The following VEGFC variants were observed in gnomAD, a reference collection of about 807,000 sequenced individuals.
VEGFC encodes FLT4 ligand DHM.
VEGFC carries 12 observed loss-of-function variants against 46.1 expected under a neutral mutation model. That is an observed-to-expected ratio of 0.26 (90% CI 0.17 to 0.42). The LOEUF (loss-of-function observed/expected upper bound fraction) is 0.42. Among genes scored for constraint, VEGFC ranks in the 10% least tolerant of loss-of-function variants. The pLI is 1.00. For synonymous variants in VEGFC, 232 were observed against 195.5 expected, an observed-to-expected ratio of 1.19 and a Z score of -1.56; for missense variants, 488 against 529.4, an observed-to-expected ratio of 0.92 and a Z score of 0.77.
chr4:176,746,942 G>A (rs1363133358), intron 1 of VEGFC, among the ~76,000 whole-genome samples: 2 of 152,122 alleles, frequency 1.3e-5, no homozygotes, highest in Admixed American at 1.3e-4. Context: ...TTGCTTGAGT[G>A]CTTCGATATC....
intron 1 of VEGFC, among the ~76,000 whole-genome samples, chr4:176,789,470 T>C (rs1736053669): frequency 1.3e-5 from 2 of 152,212 alleles, no homozygotes; most frequent in Admixed American, 1.3e-4. Context: ...AAACCTCATA[T>C]AAGTAGCATC....
intron 4 of VEGFC, among the ~76,000 whole-genome samples, chr4:176,697,217 A>G (rs969882839): frequency 6.6e-6 from 1 of 150,794 alleles, no homozygotes; most frequent in African/African-American, 2.4e-5. Flanking sequence ...ATGGGAGAAA[A>G]TTTTCACAAC....
chr4:176,719,599 C>G (rs904398453), intron 3 of VEGFC, among the ~76,000 whole-genome samples: 1 of 152,168 alleles, frequency 6.6e-6, no homozygotes, highest in African/African-American at 2.4e-5. Context: ...ACTTAAACTA[C>G]TTTTAATTAC....
At chr4:176,730,645 G>T (rs2111019430) in intron 1 of VEGFC, among the ~76,000 whole-genome samples, 1 of 152,106 alleles carries the variant, frequency 6.6e-6, no homozygotes, top group East Asian at 1.9e-4. Flanking sequence ...AAGAGTCAAT[G>T]AACTAACTGT....
intron 3 of VEGFC, among the ~76,000 whole-genome samples, chr4:176,719,898 T>C (rs62328297): frequency 6.6e-6 from 1 of 151,612 alleles, no homozygotes; most frequent in Non-Finnish European, 1.5e-5. Context: ...CTATCTCTAT[T>C]AAAATACAAA....
chr4:176,693,764 C>G (rs1479966422), intron 4 of VEGFC, among the ~76,000 whole-genome samples: 1 of 137,072 alleles, frequency 7.3e-6, no homozygotes, highest in African/African-American at 3.5e-5. Flanking sequence ...GCCCATCAGA[C>G]TAACAGAGGA....
intron 1 of VEGFC, among the ~76,000 whole-genome samples, chr4:176,740,441 T>TAC (rs1491453712): frequency 2.1e-4 from 2 of 9,456 alleles, no homozygotes; most frequent in Non-Finnish European, 0.013. Context: ...ATATATATTC[T>TAC]ATATAGAGTA....
At chr4:176,694,659 A>G (rs1734274576) in intron 4 of VEGFC, among the ~76,000 whole-genome samples, 1 of 150,726 alleles carries the variant, frequency 6.6e-6, no homozygotes, top group African/African-American at 2.5e-5. Context: ...TCTCCACCCC[A>G]AATCAATGGA....
chr4:176,690,742 A>T (rs1734161632), intron 4 of VEGFC, among the ~76,000 whole-genome samples: 1 of 151,980 alleles, frequency 6.6e-6, no homozygotes, highest in African/African-American at 2.4e-5. Flanking sequence ...GAAACTCATA[A>T]TCTTCTATAA....
intron 1 of VEGFC, among the ~76,000 whole-genome samples, chr4:176,760,947 T>TCATACATAC (rs1487722260): frequency 6.6e-6 from 1 of 152,120 alleles, no homozygotes; most frequent in African/African-American, 2.4e-5. Context: ...CATACATAGG[T>TCATACATAC]AGGAAAAAGA....
In VEGFC at chr4:176,792,222, G is replaced by A. The variant is rs1736108826; in HGVS notation, c.90C>T (p.Ala30=). 6.4e-7 allele frequency: 1 copy of A among 1,560,082 alleles called. No individual in the cohort carries two copies. The highest frequency in any genetic ancestry group is 8.7e-7 in the Non-Finnish European group (1 of 1,155,884). The change falls in exon 1 of 7, where the codon GCC becomes GCT. Residue 30 remains alanine, a synonymous_variant. Coordinates refer to ENST00000618562, the MANE Select transcript of VEGFC (RefSeq NM_005429.5). This position sits in a 1 kb window ranked among gnomAD's most constrained non-coding sequence, Gnocchi z 6.3. ...AGAGGTCGAGTCCGGACTCGAAGGC[G>A]GCGGCGGCGGCGGGCGCCTCGCGAG... The part of the protein sequence containing the change: ...PGPREAPAAA[A]AFESGLDLSD...
chr4:176,722,492 T>TG (rs386402402), intron 3 of VEGFC, among the ~76,000 whole-genome samples: 1 of 148,578 alleles, frequency 6.7e-6, no homozygotes, highest in Admixed American at 6.8e-5. Context: ...TCTTTTGTTT[T>TG]TTTTTTGTTT....
chr4:176,711,789 A>C, intron 3 of VEGFC, 139 bp from the exon 4 acceptor site: 2 of 756,806 alleles, frequency 2.6e-6, no homozygotes, highest in Non-Finnish European at 4.1e-6. Flanking sequence ...CTATGTTTTT[A>C]TGATTACAAA....
intron 1 of VEGFC, among the ~76,000 whole-genome samples, chr4:176,753,442 T>C (rs1010317139): frequency 6.6e-6 from 1 of 152,062 alleles, no homozygotes; most frequent in African/African-American, 2.4e-5. Flanking sequence ...GCAGCTACGA[T>C]GACCCTTTCA....
At chr4:176,710,228 G>A (rs1026647524) in intron 4 of VEGFC, among the ~76,000 whole-genome samples, 9 of 152,158 alleles carry the variant, frequency 5.9e-5, no homozygotes, top group African/African-American at 9.7e-5. Flanking sequence ...TGGAGATAAT[G>A]GCTAAAGCTC....
At position 176,792,800 on chromosome 4, in the gene VEGFC, G is replaced by C. The variant is rs1181789021; in HGVS notation, c.-489C>G. 1 of 145,172 alleles carries C rather than the reference G, an allele frequency of 6.9e-6. No homozygotes were observed. The highest frequency in any genetic ancestry group is 1.5e-5 in the Non-Finnish European group (1 of 65,838). The allele number at this position is 145,172 out of a possible 1,614,324, so 9.0% of individuals were successfully genotyped here. On this transcript the variant is annotated 5_prime_UTR_variant, in exon 1 of 7. Coordinates refer to ENST00000618562, the MANE Select transcript of VEGFC (RefSeq NM_005429.5). The surrounding 1 kb of genome is among the most constrained non-coding windows in gnomAD (Gnocchi z 6.3). ...GGGGGCGCTGGCGGCGGTGCCGGGG[G>C]CGGGAGGAGGGCGGCGGGGCGGCTG... is the stretch of plus-strand genomic sequence containing the variant.
chr4:176,708,535 G>A (rs978207210), intron 4 of VEGFC, among the ~76,000 whole-genome samples: 10 of 152,064 alleles, frequency 6.6e-5, no homozygotes, highest in African/African-American at 1.7e-4. Context: ...CCTTGGGGTT[G>A]TGATAATGAG....
Position 176,784,063 on chromosome 4 carries a change from G to GTTTTTTGTTTTTTTT in VEGFC, c.147+8101_147+8102insAAAAAAAACAAAAAA, listed in dbSNP as rs564146495. Among the ~76,000 whole-genome samples the GTTTTTTGTTTTTTTT allele has an allele frequency of 4.4e-5, 2 of 45,904 alleles. 1 individual carries two copies. The highest frequency in any genetic ancestry group is 1.9e-4 in the Non-Finnish European group (2 of 10,686). 30.1% of individuals were successfully genotyped at this position (45,904 alleles called of 152,430 possible). A position where few individuals can be genotyped will look rare whatever the true frequency, so the allele number is the denominator to read the frequency against. ...AGGGCTTTATATGTATGCACATGCT[G>GTTTTTTGTTTTTTTT]TTTTTTTTTTTTTTTTTTTGAAACA... On this transcript the variant is annotated intron_variant, in intron 1 of 6. Transcript: ENST00000618562.
chr4:176,745,911 T>A (rs1352163152), intron 1 of VEGFC, among the ~76,000 whole-genome samples: 3 of 152,042 alleles, frequency 2.0e-5, no homozygotes, highest in Non-Finnish European at 4.4e-5. Context: ...CCAGTACCAG[T>A]GTACAAGGGC....
Sources: allele counts gnomAD v4.1 joint callset (sites outside exome capture counted in the v4.1 genomes callset), GRCh38; gene constraint gnomAD v4.1.1; non-coding constraint Gnocchi (gnomAD v3.1); transcripts MANE v1.5; gene names NCBI Gene and HGNC (gene_info 2026-07-23, HGNC 2026-07-21).